POU6F2: variants seen among roughly 807,000 people sequenced by gnomAD.
The protein encoded by POU6F2 is POU domain, class 6, transcription factor 2.
In POU6F2, 31 loss-of-function variants were observed where a neutral mutation model predicts 71.3. That is an observed-to-expected ratio of 0.43 (90% confidence interval 0.33 to 0.59). The LOEUF (loss-of-function observed/expected upper bound fraction) is 0.59. Ranked by LOEUF, POU6F2 falls within the 20% of genes least tolerant of loss-of-function variation. The pLI is 0.04. For missense variants in POU6F2, 783 were observed against 856.8 expected, an observed-to-expected ratio of 0.91 and a Z score of 1.07; for synonymous variants, 347 against 355.7, an observed-to-expected ratio of 0.98 and a Z score of 0.27.
intron 1 of POU6F2, among the ~76,000 whole-genome samples, chr7:38,987,294 C>G (rs859516): frequency 6.6e-6 from 1 of 151,906 alleles, no homozygotes; most frequent in Admixed American, 6.6e-5. Flanking sequence ...CAGAGAATGG[C>G]GTAAAGAGCT....
At chr7:39,117,927 G>A (rs944056301) in intron 2 of POU6F2, among the ~76,000 whole-genome samples, 1 of 152,108 alleles carries the variant, frequency 6.6e-6, no homozygotes, top group Non-Finnish European at 1.5e-5. Flanking sequence ...CAAAAACAAA[G>A]GCACTGAGTG....
At chr7:39,299,144 G>A (rs988941331) in intron 4 of POU6F2, among the ~76,000 whole-genome samples, 7 of 152,102 alleles carry the variant, frequency 4.6e-5, no homozygotes, top group African/African-American at 1.7e-4. Context: ...TGCACGTTCT[G>A]CACATGTATC....
chr7:39,320,881 C>T (rs1171342527), intron 4 of POU6F2, among the ~76,000 whole-genome samples: 3 of 151,988 alleles, frequency 2.0e-5, no homozygotes, highest in Admixed American at 2.0e-4. Flanking sequence ...ATAGTGAGAC[C>T]CCATCTCAAC....
intron 4 of POU6F2, among the ~76,000 whole-genome samples, chr7:39,266,128 A>G (rs1291148528): frequency 1.3e-5 from 2 of 152,206 alleles, no homozygotes; most frequent in Admixed American, 6.5e-5. Context: ...GGCCTTTTTC[A>G]TGGATTGGAA....
intron 1 of POU6F2, among the ~76,000 whole-genome samples, chr7:39,030,708 G>C (rs1478073688): frequency 2.0e-5 from 3 of 150,542 alleles, no homozygotes; most frequent in Admixed American, 6.6e-5. Flanking sequence ...CTCTTTGGGG[G>C]AAATGCCAAG....
chr7:39,082,610 CAGAG>C (rs1481187110), intron 1 of POU6F2, among the ~76,000 whole-genome samples: 1 of 152,046 alleles, frequency 6.6e-6, no homozygotes, highest in African/African-American at 2.4e-5. Context: ...TGGCTCTTGG[CAGAG>C]AGAGAATGAC....
At chr7:39,201,051 T>C (rs1302242494) in intron 2 of POU6F2, among the ~76,000 whole-genome samples, 3 of 151,978 alleles carry the variant, frequency 2.0e-5, no homozygotes, top group African/African-American at 7.3e-5. Context: ...ACAAATTAAA[T>C]ATTTTCATTA....
chr7:39,201,007 A>G (rs927786831), intron 2 of POU6F2, among the ~76,000 whole-genome samples: 1 of 152,200 alleles, frequency 6.6e-6, no homozygotes, highest in Non-Finnish European at 1.5e-5. Flanking sequence ...CGCTGGAGCA[A>G]CAGAGTGAGA....
At chr7:39,313,868 G>A (rs577426210) in intron 4 of POU6F2, among the ~76,000 whole-genome samples, 3 of 152,146 alleles carry the variant, frequency 2.0e-5, no homozygotes, top group Non-Finnish European at 2.9e-5. Context: ...TAAAATCAGC[G>A]TCTTCATAAA....
intron 4 of POU6F2, among the ~76,000 whole-genome samples, chr7:39,233,950 AGGC>A (rs1794625537): frequency 6.6e-6 from 1 of 152,120 alleles, no homozygotes; most frequent in African/African-American, 2.4e-5. Context: ...GCGCAGAGAA[AGGC>A]ATTGCTGAAT....
chr7:39,221,799 A>G (rs1281300404), intron 4 of POU6F2, among the ~76,000 whole-genome samples: 5 of 152,242 alleles, frequency 3.3e-5, no homozygotes, highest in African/African-American at 1.2e-4. Flanking sequence ...TAAAGCAAGA[A>G]GGACAAAATG....
chr7:39,348,689 C>T (rs904132175), intron 5 of POU6F2, among the ~76,000 whole-genome samples: 3 of 152,160 alleles, frequency 2.0e-5, no homozygotes, highest in Non-Finnish European at 2.9e-5. Flanking sequence ...TCCTTATTGG[C>T]TCCCAGCATT....
At chr7:39,262,136 A>C (rs984712275) in intron 4 of POU6F2, among the ~76,000 whole-genome samples, 3 of 152,194 alleles carry the variant, frequency 2.0e-5, no homozygotes, top group Admixed American at 6.5e-5. Context: ...TTTATAGCCA[A>C]ATGTAAGCTT....
intron 4 of POU6F2, among the ~76,000 whole-genome samples, chr7:39,331,490 G>A (rs1285052421): frequency 3.3e-5 from 5 of 151,842 alleles, no homozygotes; most frequent in South Asian, 2.1e-4. Context: ...ATCTCACTCC[G>A]GTTTTGTTTT....
At chr7:39,108,868 AGTAT>A (rs1270031787) in intron 2 of POU6F2, among the ~76,000 whole-genome samples, 1 of 152,220 alleles carries the variant, frequency 6.6e-6, no homozygotes, top group Non-Finnish European at 1.5e-5. Flanking sequence ...TGCAACACAA[AGTAT>A]ATATTTTTAT....
At chr7:39,031,431 T>C (rs889340450) in intron 1 of POU6F2, among the ~76,000 whole-genome samples, 7 of 152,190 alleles carry the variant, frequency 4.6e-5, no homozygotes, top group African/African-American at 1.7e-4. Flanking sequence ...ACAATGTCAG[T>C]GAATACATTT....
At chr7:39,188,368 A>AGT (rs1469605258) in intron 2 of POU6F2, among the ~76,000 whole-genome samples, 6 of 152,166 alleles carry the variant, frequency 3.9e-5, no homozygotes, top group Non-Finnish European at 7.3e-5. Context: ...GCTGGAGTGC[A>AGT]GTGGCATAAT....
At chr7:39,313,345 T>C (rs1374377557) in intron 4 of POU6F2, among the ~76,000 whole-genome samples, 1 of 152,014 alleles carries the variant, frequency 6.6e-6, no homozygotes, top group Non-Finnish European at 1.5e-5. Flanking sequence ...TTACCTAAAA[T>C]TCCAATACCC....
intron 5 of POU6F2, among the ~76,000 whole-genome samples, chr7:39,387,352 T>C (rs1226210724): frequency 2.6e-5 from 4 of 152,204 alleles, no homozygotes; most frequent in Admixed American, 1.3e-4. Context: ...GTCTAATACG[T>C]GTGCATCCTT....
Sources: allele counts gnomAD v4.1 joint callset (sites outside exome capture counted in the v4.1 genomes callset), GRCh38; gene constraint gnomAD v4.1.1; transcripts MANE v1.5; gene names NCBI Gene and HGNC (gene_info 2026-07-23, HGNC 2026-07-21).